The following OXA1L variants were observed in gnomAD, a reference collection of about 807,000 sequenced individuals.
OXA1L encodes mitochondrial inner membrane protein OXA1L.
OXA1L carries 42 observed loss-of-function variants against 52.2 expected under a neutral mutation model. The observed-to-expected ratio is 0.80, with a 90% CI of 0.63 to 1.04. OXA1L has a LOEUF of 1.04. Ranked by LOEUF, OXA1L falls within the 50% of genes least tolerant of loss-of-function variation. The probability of loss-of-function intolerance (pLI) is 0.00; values close to 1 mark genes in which losing one functional copy is unlikely to be tolerated. For missense variants in OXA1L, 572 were observed against 555.0 expected (o/e 1.03, Z -0.31); for synonymous variants, 239 against 201.9 (o/e 1.18, Z -1.56).
At chr14:22,768,224 A>G (rs1248555304) in intron 3 of OXA1L, 53 bp downstream of exon 3, 1 of 1,365,692 alleles carries the variant, frequency 7.3e-7, no homozygotes, top group Non-Finnish European at 1.0e-6. Flanking sequence ...CATAGATGGC[A>G]ATTCTTTGAA....
Position 22,768,138 on chromosome 14 carries a change from C to G in OXA1L, c.406C>G (p.Leu136Val). Residue 136 changes from leucine to valine, a missense_variant, in exon 3 of 10, where the codon CTG (leucine) becomes GTG (valine). Around this residue, in one of 5 missense-constraint regions of OXA1L, gnomAD observed 132 missense variants for 124.0 expected, o/e 1.06. Coordinates refer to ENST00000612549, the MANE Select transcript of OXA1L (RefSeq NM_005015.5). ...TTTACTGGAATTTATGCATGTTGAT[C>G]TGGGCCTACCTTGGTGGGGGGCCAT... ...QNLLEFMHVD[L>V]GLPWWGAIAA... 1 of 1,614,154 alleles carries G rather than the reference C, an allele frequency of 6.2e-7. No homozygotes were observed. Among genetic ancestry groups the G allele is most frequent in the East Asian group, 2.2e-5 (1 of 44,884 alleles).
At chr14:22,771,221 G>C (rs1386626109) in intron 8 of OXA1L, 41 bp downstream of exon 8, 2 of 1,612,854 alleles carry the variant, frequency 1.2e-6, no homozygotes, top group Non-Finnish European at 1.7e-6. Context: ...AGGGAAAGGG[G>C]TCTAAAAATA....
intron 1 of OXA1L, 56 bp downstream of exon 1, chr14:22,766,820 C>A: frequency 6.2e-7 from 1 of 1,605,280 alleles, no homozygotes; most frequent in Non-Finnish European, 8.5e-7. Flanking sequence ...GTGAACCAGG[C>A]CCCAGGACAG....
rs190952935 is a variant in OXA1L, at chr14:22,768,237, G to A, written c.439+66G>A. 3.4e-5 allele frequency: 43 copies of A among 1,277,478 alleles called. No homozygotes were observed. The Admixed American group carries it at 5.8e-4, about 17-fold the overall frequency. The allele number at this position is 1,277,478 out of a possible 1,614,324, so 79.1% of individuals were successfully genotyped here. A position where few individuals can be genotyped will look rare whatever the true frequency, so the allele number is the denominator to read the frequency against. On this transcript the variant is annotated intron_variant, in intron 3 of 9. Transcript: ENST00000612549. The stretch of plus-strand genomic sequence containing the variant: ...CTCATAGATGGCAATTCTTTGAATG[G>A]ATTCAGGAAGTAGTTGCAGAAGCTC...
chr14:22,770,142 C>T (rs1027481894), intron 4 of OXA1L, 51 bp from the exon 5 acceptor site: 4 of 1,406,388 alleles, frequency 2.8e-6, no homozygotes, highest in Non-Finnish European at 3.0e-6. Context: ...GGATGTTCAC[C>T]TCCACTGATG....
chr14:22,770,244 A>T lies in OXA1L; in HGVS notation c.635A>T (p.Lys212Ile). 1 of 1,611,954 alleles carries T rather than the reference A, an allele frequency of 6.2e-7. No individual in the cohort carries two copies. Among genetic ancestry groups the T allele is most frequent in the Non-Finnish European group, 8.5e-7 (1 of 1,178,078 alleles). Residue 212 changes from lysine (K) to isoleucine (I), a missense_variant, in exon 5 of 10, where the codon AAA becomes ATA. By Grantham distance (102) the Lys-to-Ile change is moderately radical (BLOSUM62 -3). Around this residue, in one of 5 missense-constraint regions of OXA1L, gnomAD observed 132 missense variants for 124.0 expected, o/e 1.06. Coordinates refer to ENST00000612549, the MANE Select transcript of OXA1L (RefSeq NM_005015.5). ...MALYQKKHGI[K>I]LYKPLILPVT... The stretch of plus-strand genomic sequence containing the variant: ...CTTTACCAGAAAAAACATGGTATTA[A>T]ACTCTATAAACCTCTCATTCTCCCT...
intron 3 of OXA1L, among the ~76,000 whole-genome samples, chr14:22,769,249 A>G (rs1222221900): frequency 6.6e-6 from 1 of 152,046 alleles, no homozygotes. Flanking sequence ...CTCTCTGCCC[A>G]TGATTTCATT....
rs191234116 is a variant in OXA1L at position 22,769,842 on chromosome 14, G to A, written c.491G>A (p.Arg164Gln). 2.1e-5 allele frequency: 34 copies of A among 1,614,144 alleles called. No homozygotes were observed. In the East Asian group the frequency reaches 3.8e-4, roughly 18 times the overall value. ...LIFPLIVTGQREAARIHNHLP... is the reference protein window; with the variant it reads ...LIFPLIVTGQQEAARIHNHLP... ...TTTCCTCTCATCGTGACGGGCCAGC[G>A]AGAGGCAGCCAGGATCCACAATCAC... The change falls in exon 4 of 10, where the codon CGA (arginine) becomes CAA (glutamine). Residue 164 changes from arginine to glutamine, a missense_variant. Transcript: ENST00000612549.
intron 2 of OXA1L, 121 bp downstream of exon 2, chr14:22,767,530 C>T (rs1011323977): frequency 3.7e-5 from 29 of 789,648 alleles, no homozygotes; most frequent in African/African-American, 8.7e-5. Context: ...CCACACAGCT[C>T]TCCAAAATGA....
In OXA1L at chr14:22,770,581, A is replaced by T. The variant is rs756530062; in HGVS notation, c.790A>T (p.Ile264Leu). 3 of 1,613,758 alleles carry T rather than the reference A, an allele frequency of 1.9e-6. No individual in the cohort carries two copies. Among genetic ancestry groups the T allele is most frequent in the South Asian group, 2.2e-5 (2 of 91,082 alleles). The change falls in exon 6 of 10, where the codon ATA becomes TTA. Residue 264 changes from isoleucine (I) to leucine (L), a missense_variant. Physicochemically the swap from Ile to Leu is conservative, Grantham distance 5 (BLOSUM62 2). Coordinates refer to ENST00000612549, the MANE Select transcript of OXA1L (RefSeq NM_005015.5). ...TCTCACGGTATCCGATCCCATCTACATATTACCACTGGCAGTCACTGCTAC... is the reference window on the plus strand; with the variant it reads ...TCTCACGGTATCCGATCCCATCTACTTATTACCACTGGCAGTCACTGCTAC... ...QDLTVSDPIY[I>L]LPLAVTATMW...
rs2139379839 is a variant in OXA1L, at chr14:22,772,904, A to T, written c.*1346A>T. The T allele has an allele frequency of 5.9e-6, 1 of 170,324 alleles. No homozygotes were observed. Among genetic ancestry groups the T allele is most frequent in the Middle Eastern group, 3.1e-3 (1 of 326 alleles). The allele number at this position is 170,324 out of a possible 1,614,324, so 10.6% of individuals were successfully genotyped here. ...ACCTGGGAGGCTGAGGTGGGAGGAT[A>T]GCTTAAGCCCAGGAGGTTGAGGCTG... is the stretch of plus-strand genomic sequence containing the variant. On this transcript the variant is annotated 3_prime_UTR_variant, in exon 10 of 10. Coordinates refer to ENST00000612549, the MANE Select transcript of OXA1L (RefSeq NM_005015.5).
At chr14:22,770,755 C>G in intron 6 of OXA1L, 50 bp from the exon 7 acceptor site, 1 of 1,568,134 alleles carries the variant, frequency 6.4e-7, no homozygotes, top group Non-Finnish European at 8.8e-7. Context: ...GAGACAGATT[C>G]ACTGAAACTG....
chr14:22,770,447 A>C lies in OXA1L; in HGVS notation c.670-14A>C. 6.2e-7 allele frequency: 1 copy of C among 1,611,276 alleles called. No individual in the cohort carries two copies. The highest frequency in any genetic ancestry group is 8.5e-7 in the Non-Finnish European group (1 of 1,177,666). On this transcript the variant is annotated splice_polypyrimidine_tract_variant and intron_variant, in intron 5 of 9. Coordinates refer to ENST00000612549, the MANE Select transcript of OXA1L (RefSeq NM_005015.5). ...CTGGTAAAGCATGCTGACACTGTTT[A>C]TCTTGTGTAATAGGCCCCAATCTTC...
At chr14:22,766,852 G>A (rs1234199002) in intron 1 of OXA1L, 88 bp downstream of exon 1, 2 of 1,577,138 alleles carry the variant, frequency 1.3e-6, no homozygotes, top group African/African-American at 2.7e-5. Flanking sequence ...GGTATCAGCA[G>A]ACGCTGACCT....
intron 3 of OXA1L, 118 bp downstream of exon 3, chr14:22,768,289 A>C: frequency 1.3e-6 from 1 of 746,284 alleles, no homozygotes; most frequent in Non-Finnish European, 2.3e-6. Flanking sequence ...GATGATTTCA[A>C]ATGAGCAATA....
rs112882905 is a variant in OXA1L at position 22,772,307 on chromosome 14, A to G, written c.*749A>G. ...AGACCATCCTGGCCAACATGGTGAA[A>G]CCCCGTCTCTACTAAAAAAAAAAAA... On this transcript the variant is annotated 3_prime_UTR_variant, in exon 10 of 10. Transcript: ENST00000612549. The G allele has an allele frequency of 1.4e-5, 2 of 141,116 alleles. No individual in the cohort carries two copies. Among genetic ancestry groups the G allele is most frequent in the Non-Finnish European group, 3.1e-5 (2 of 65,430 alleles). The allele number at this position is 141,116 out of a possible 1,614,324, so 8.7% of individuals were successfully genotyped here. A position where few individuals can be genotyped will look rare whatever the true frequency, so the allele number is the denominator to read the frequency against.
At chr14:22,770,686 AGTT>A in intron 6 of OXA1L, 61 bp downstream of exon 6, 1 of 1,571,808 alleles carries the variant, frequency 6.4e-7, no homozygotes, top group Middle Eastern at 1.7e-4. Flanking sequence ...AGGGTAAAGT[AGTT>A]GTACAGAATG....
chr14:22,767,450 T>G (rs766086185), intron 2 of OXA1L, 41 bp downstream of exon 2: 1 of 1,541,126 alleles, frequency 6.5e-7, no homozygotes, highest in South Asian at 1.2e-5. Context: ...GAGTGGTGTT[T>G]CCTGGTTGGT....
chr14:22,772,106 GAA>G lies in OXA1L; in HGVS notation c.*551_*552del, dbSNP rs1413921401. 1 of 127,012 alleles carries G rather than the reference GAA, an allele frequency of 7.9e-6. No individual in the cohort carries two copies. Among genetic ancestry groups the G allele is most frequent in the Non-Finnish European group, 1.7e-5 (1 of 57,764 alleles). The allele number at this position is 127,012 out of a possible 1,614,324, so 7.9% of individuals were successfully genotyped here. A position where few individuals can be genotyped will look rare whatever the true frequency, so the allele number is the denominator to read the frequency against. On this transcript the variant is annotated 3_prime_UTR_variant, in exon 10 of 10. Transcript: ENST00000612549. ...GAGGGAGACTGTCTCAAAAAAAAAA[GAA>G]AACTGAAGAATAGAGTGAGTCATGA...
Sources: allele counts gnomAD v4.1 joint callset (sites outside exome capture counted in the v4.1 genomes callset), GRCh38; gene constraint gnomAD v4.1.1; regional missense constraint gnomAD v4.1.1; transcripts MANE v1.5; gene names NCBI Gene and HGNC (gene_info 2026-07-23, HGNC 2026-07-21).